ARHGAP24: variants seen among roughly 807,000 people sequenced by gnomAD.
ARHGAP24 encodes the protein rho GTPase-activating protein 24.
Under a neutral mutation model 76.4 loss-of-function variants are expected in ARHGAP24, and 50 were observed. That is an observed-to-expected ratio of 0.65 (90% CI 0.52 to 0.83). ARHGAP24 has a LOEUF of 0.83. ARHGAP24 is among the 40% of genes least tolerant of loss of function. The pLI, the probability that ARHGAP24 is intolerant of heterozygous loss-of-function variation, is 0.00. For missense variants in ARHGAP24, 930 were observed against 914.2 expected (o/e 1.02, Z -0.22); for synonymous variants, 345 against 323.3 (o/e 1.07, Z -0.72).
intron 3 of ARHGAP24, chr4:85,828,066 C>T: frequency 1.0e-6 from 1 of 1,002,366 alleles, no homozygotes; most frequent in South Asian, 1.3e-5. Flanking sequence ...ATTTATATCA[C>T]CACAAATTCA....
rs33974767 is a variant in ARHGAP24 at position 85,839,843 on chromosome 4, C to CTTTTTTTTT, written c.269-83789_269-83781dup. Among the ~76,000 whole-genome samples the CTTTTTTTTT allele has an allele frequency of 3.1e-3, 331 of 105,598 alleles. 6 individuals carry two copies. Among genetic ancestry groups the CTTTTTTTTT allele is most frequent in the Non-Finnish European group, 4.4e-3 (243 of 55,628 alleles). The allele number at this position is 105,598 out of a possible 152,430, so 69.3% of individuals were successfully genotyped here. On this transcript the variant is annotated intron_variant, in intron 3 of 9. Coordinates refer to ENST00000395184, the MANE Select transcript of ARHGAP24 (RefSeq NM_001025616.3). ...CTACCAAGTGTCTTTTTTCTGTTTT[C>CTTTTTTTTT]TTTTTTTTTTTTTTTTTTTTTTTTG... is the stretch of plus-strand genomic sequence containing the variant.
chr4:85,590,180 GCCTGCCTGCCTGCCTTCCTT>G (rs1478103026), intron 2 of ARHGAP24, among the ~76,000 whole-genome samples: 13 of 101,852 alleles, frequency 1.3e-4, no homozygotes, highest in African/African-American at 3.1e-4. Flanking sequence ...CTGCCTGCCT[GCCTGCCTGCCTGCCTTCCTT>G]CCTTCCTTCC....
chr4:85,715,891 A>G (rs1724716419), intron 2 of ARHGAP24, among the ~76,000 whole-genome samples: 1 of 152,090 alleles, frequency 6.6e-6, no homozygotes, highest in Non-Finnish European at 1.5e-5. Context: ...TATTTATTTA[A>G]TAAATTCATG....
At chr4:85,932,147 T>C (rs1211132685) in intron 4 of ARHGAP24, among the ~76,000 whole-genome samples, 4 of 152,202 alleles carry the variant, frequency 2.6e-5, no homozygotes, top group African/African-American at 9.6e-5. Flanking sequence ...TTAATTTACA[T>C]TCCTATCTCA....
intron 3 of ARHGAP24, among the ~76,000 whole-genome samples, chr4:85,759,044 C>T (rs1433222315): frequency 6.6e-6 from 1 of 152,152 alleles, no homozygotes; most frequent in Non-Finnish European, 1.5e-5. Context: ...AAAAATTGCA[C>T]TTTAATTCCC....
chr4:85,838,925 C>T (rs1347576212), intron 3 of ARHGAP24, among the ~76,000 whole-genome samples: 2 of 152,192 alleles, frequency 1.3e-5, no homozygotes, highest in Non-Finnish European at 2.9e-5. Flanking sequence ...AGCCCCTCAC[C>T]TTTATTTGTT....
intron 9 of ARHGAP24, among the ~76,000 whole-genome samples, chr4:85,996,080 A>T (rs879755751): frequency 6.6e-6 from 1 of 152,204 alleles, no homozygotes; most frequent in East Asian, 1.9e-4. Context: ...AGAAGTAAAT[A>T]GACCTCCATG....
chr4:85,649,019 G>A (rs892178520), intron 2 of ARHGAP24, among the ~76,000 whole-genome samples: 2 of 150,278 alleles, frequency 1.3e-5, no homozygotes, highest in Non-Finnish European at 1.5e-5. Flanking sequence ...ATATGTGTGT[G>A]TGTGTGTGTG....
At chr4:85,763,225 T>C (rs986055745) in intron 3 of ARHGAP24, among the ~76,000 whole-genome samples, 3 of 152,206 alleles carry the variant, frequency 2.0e-5, no homozygotes, top group Admixed American at 6.5e-5. Flanking sequence ...GACTTTCTGC[T>C]AAGGTGACTA....
At position 85,570,086 on chromosome 4, in the gene ARHGAP24, T is replaced by C. The variant is rs563032371; in HGVS notation, c.-20-436T>C. ...ACACATTACCTCTAGAACTTACTTA[T>C]TTTTCAGTTCTACTTAGGGACAAAG... is the stretch of plus-strand genomic sequence containing the variant. On this transcript the variant is annotated intron_variant, in intron 1 of 9. Coordinates refer to ENST00000395184, the MANE Select transcript of ARHGAP24 (RefSeq NM_001025616.3). Among the ~76,000 whole-genome samples, 10 of 152,352 alleles carry C rather than the reference T, an allele frequency of 6.6e-5. No individual in the cohort carries two copies. In the East Asian group the frequency reaches 1.7e-3, roughly 26 times the overall value.
chr4:85,563,341 AG>A (rs2110136882), intron 1 of ARHGAP24, among the ~76,000 whole-genome samples: 1 of 152,308 alleles, frequency 6.6e-6, no homozygotes, highest in South Asian at 2.1e-4. Context: ...GAGGCAGGGA[AG>A]TCTAAGATCA....
intron 8 of ARHGAP24, among the ~76,000 whole-genome samples, chr4:85,989,446 C>T (rs1190994240): frequency 6.6e-6 from 1 of 151,590 alleles, no homozygotes; most frequent in Admixed American, 6.6e-5. Context: ...CTGGTGAATT[C>T]TAACAAACAT....
At chr4:85,862,816 T>A (rs1731976760) in intron 3 of ARHGAP24, among the ~76,000 whole-genome samples, 1 of 152,138 alleles carries the variant, frequency 6.6e-6, no homozygotes, top group Admixed American at 6.6e-5. Context: ...AGTTCATTCA[T>A]AAGTCCTTTC....
At chr4:85,572,120 GT>G (rs1357569952) in intron 2 of ARHGAP24, among the ~76,000 whole-genome samples, 1 of 152,084 alleles carries the variant, frequency 6.6e-6, no homozygotes, top group Non-Finnish European at 1.5e-5. Context: ...AATTAATGGA[GT>G]TTTTTTGTCT....
At chr4:85,877,507 C>G (rs1461966493) in intron 3 of ARHGAP24, among the ~76,000 whole-genome samples, 2 of 107,868 alleles carry the variant, frequency 1.9e-5, no homozygotes, top group African/African-American at 3.4e-5. Flanking sequence ...CACTTGTAGT[C>G]CCAGCTACTC....
At chr4:85,518,397 T>C (rs778994802) in intron 1 of ARHGAP24, among the ~76,000 whole-genome samples, 1 of 152,060 alleles carries the variant, frequency 6.6e-6, no homozygotes, top group Non-Finnish European at 1.5e-5. Context: ...TTATTTGGGG[T>C]ACAGGTAGCA....
chr4:85,958,265 T>C (rs550680050), intron 5 of ARHGAP24, among the ~76,000 whole-genome samples: 1 of 152,264 alleles, frequency 6.6e-6, no homozygotes, highest in East Asian at 1.9e-4. Flanking sequence ...TTCATTCACT[T>C]AAAAATAAGA....
At chr4:85,655,136 A>G (rs1722091400) in intron 2 of ARHGAP24, among the ~76,000 whole-genome samples, 1 of 152,094 alleles carries the variant, frequency 6.6e-6, no homozygotes, top group South Asian at 2.1e-4. Context: ...TTGGGTATCT[A>G]ATGTTTTTTG....
intron 2 of ARHGAP24, among the ~76,000 whole-genome samples, chr4:85,692,401 TA>T (rs1723698379): frequency 6.6e-6 from 1 of 152,214 alleles, no homozygotes; most frequent in Non-Finnish European, 1.5e-5. Context: ...TTTTGTGCAC[TA>T]TATCCTCAAG....
Sources: gnomAD v4.1 joint callset for allele counts (sites outside exome capture counted in the v4.1 genomes callset) on GRCh38, gnomAD v4.1.1 for gene constraint, MANE v1.5 for transcripts, NCBI Gene and HGNC (gene_info 2026-07-23, HGNC 2026-07-21) for gene names.